Variants in TRIM37 observed in about 807,000 individuals in gnomAD.
TRIM37 encodes the protein E3 ubiquitin-protein ligase TRIM37.
In TRIM37, 80 loss-of-function variants were observed where a neutral mutation model predicts 129.8. The observed-to-expected ratio is 0.62, with a 90% CI of 0.51 to 0.74. The LOEUF is 0.74. Ranked by LOEUF, TRIM37 falls within the 30% of genes least tolerant of loss-of-function variation. TRIM37 has a pLI of 0.00. For synonymous variants in TRIM37, 389 were observed against 387.1 expected, an observed-to-expected ratio of 1.00 and a Z score of -0.06; for missense variants, 1,054 against 1,176.5, an observed-to-expected ratio of 0.90 and a Z score of 1.52.
chr17:59,093,892 T>G (rs917620548), intron 2 of TRIM37, among the ~76,000 whole-genome samples: 1 of 152,146 alleles, frequency 6.6e-6, no homozygotes, highest in African/African-American at 2.4e-5. Context: ...TTCCACAATC[T>G]AATTTATTTA....
chr17:59,035,809 T>C (rs1467697818), intron 17 of TRIM37, among the ~76,000 whole-genome samples: 4 of 151,906 alleles, frequency 2.6e-5, no homozygotes, highest in African/African-American at 9.7e-5. Flanking sequence ...GAAGTTCACA[T>C]AGAAAAAAAA....
chr17:59,064,701 G>A (rs1358289117), intron 9 of TRIM37, among the ~76,000 whole-genome samples: 1 of 152,186 alleles, frequency 6.6e-6, no homozygotes, highest in Non-Finnish European at 1.5e-5. Flanking sequence ...CTGAGGTCGG[G>A]AGCTCAAGAC....
intron 22 of TRIM37, among the ~76,000 whole-genome samples, chr17:59,005,720 G>A (rs1457222508): frequency 6.6e-6 from 1 of 152,140 alleles, no homozygotes; most frequent in Non-Finnish European, 1.5e-5. Flanking sequence ...ACTCAGCAAG[G>A]TTTACAGTAC....
intron 13 of TRIM37, among the ~76,000 whole-genome samples, chr17:59,051,880 G>A (rs949441643): frequency 2.6e-5 from 4 of 151,950 alleles, no homozygotes; most frequent in Non-Finnish European, 4.4e-5. Flanking sequence ...ACAGGCGCCC[G>A]CCACTACGCC....
intron 17 of TRIM37, among the ~76,000 whole-genome samples, chr17:59,039,773 C>T (rs1257770945): frequency 6.6e-6 from 1 of 152,162 alleles, no homozygotes; most frequent in Non-Finnish European, 1.5e-5. Context: ...AGGAAACAAA[C>T]AGGAATCCAG....
chr17:59,082,631 T>G (rs536892644), intron 5 of TRIM37, among the ~76,000 whole-genome samples: 5 of 152,280 alleles, frequency 3.3e-5, no homozygotes, highest in Admixed American at 2.6e-4. Context: ...ACAAATCCAG[T>G]TGCATTCAGC....
chr17:58,982,795 T>C lies in TRIM37; in HGVS notation c.*123A>G, dbSNP rs1361373796. The C allele has an allele frequency of 5.5e-6, 5 of 913,768 alleles. No homozygotes were observed. In the African/African-American group the frequency reaches 6.8e-5, roughly 12 times the overall value. The allele number at this position is 913,768 out of a possible 1,614,324, so 56.6% of individuals were successfully genotyped here. A position where few individuals can be genotyped will look rare whatever the true frequency, so the allele number is the denominator to read the frequency against. On this transcript the variant is annotated 3_prime_UTR_variant, in exon 25 of 25. Coordinates refer to the TRIM37 transcript ENST00000393066. ...AAAGGAGTCAACATGGCCCCAACTA[T>C]AGTGCCGGAACCTTTTCATCATTCT...
intron 14 of TRIM37, among the ~76,000 whole-genome samples, 175 bp from the exon 15 acceptor site, chr17:59,049,568 C>A (rs993985706): frequency 1.3e-5 from 2 of 152,240 alleles, no homozygotes; most frequent in South Asian, 4.1e-4. Flanking sequence ...TCATAGCTCA[C>A]TGCAAGCCTT....
intron 2 of TRIM37, among the ~76,000 whole-genome samples, chr17:59,101,719 CACAT>C (rs779845911): frequency 0.011 from 1,591 of 138,570 alleles, 12 homozygotes; most frequent in Non-Finnish European, 0.017. Flanking sequence ...CACACACACA[CACAT>C]ATATACATAT....
chr17:58,980,616 C>T, downstream of TRIM37: 1 of 1,614,126 alleles, frequency 6.2e-7, no homozygotes, highest in Non-Finnish European at 8.5e-7. The surrounding 1 kb of genome is among the most constrained non-coding windows in gnomAD (Gnocchi z 4.7). Flanking sequence ...TCATCATTGC[C>T]TGAATGGAGT....
At chr17:59,023,530 C>T (rs2036863577) in intron 19 of TRIM37, among the ~76,000 whole-genome samples, 2 of 152,012 alleles carry the variant, frequency 1.3e-5, no homozygotes, top group Non-Finnish European at 2.9e-5. Context: ...TGGCAGGCAC[C>T]TGTAGTCCCA....
intron 2 of TRIM37, among the ~76,000 whole-genome samples, chr17:59,100,598 T>C (rs2045365455): frequency 6.6e-6 from 1 of 152,054 alleles, no homozygotes; most frequent in East Asian, 1.9e-4. Context: ...AGAAAGCAGA[T>C]CAATGGTTGC....
intron 8 of TRIM37, among the ~76,000 whole-genome samples, chr17:59,073,814 C>G (rs2042586247): frequency 6.6e-6 from 1 of 152,164 alleles, no homozygotes; most frequent in South Asian, 2.1e-4. Context: ...TGGTCAGGAT[C>G]ATCAATATCA....
Position 59,046,892 on chromosome 17 carries a change from C to T in TRIM37, c.1667+791G>A, listed in dbSNP as rs562127664. Among the ~76,000 whole-genome samples, 9 of 150,782 alleles carry T rather than the reference C, an allele frequency of 6.0e-5. No homozygotes were observed. In the East Asian group the frequency reaches 1.4e-3, roughly 24 times the overall value. Reference sequence around the variant, plus strand: ...CAGATTGGCCAGGTGCGGTGGCTCACGCCTGTAATCCCAACACTTTGGGAG... The same window carrying T: ...CAGATTGGCCAGGTGCGGTGGCTCATGCCTGTAATCCCAACACTTTGGGAG... On this transcript the variant is annotated intron_variant, in intron 16 of 23. Coordinates refer to ENST00000262294, the MANE Select transcript of TRIM37 (RefSeq NM_015294.6).
intron 22 of TRIM37, among the ~76,000 whole-genome samples, chr17:59,007,417 A>G (rs547174735): frequency 1.3e-5 from 2 of 152,206 alleles, no homozygotes; most frequent in Non-Finnish European, 2.9e-5. Flanking sequence ...ATTACCCTAA[A>G]TGATCAGCAA....
chr17:59,081,964 A>AAATAATAATAATAATAAT (rs1371563147), intron 5 of TRIM37, among the ~76,000 whole-genome samples: 1 of 87,226 alleles, frequency 1.1e-5, no homozygotes, highest in African/African-American at 5.1e-5. Context: ...AAAAAAAAAA[A>AAATAATAATAATAATAAT]AATAATAATA....
chr17:59,091,585 A>C (rs1288749328), intron 2 of TRIM37, among the ~76,000 whole-genome samples: 2 of 116,580 alleles, frequency 1.7e-5, no homozygotes, highest in Non-Finnish European at 3.3e-5. Context: ...ATAATGTATA[A>C]TATATTATAC....
chr17:59,051,477 A>G, intron 13 of TRIM37, 149 bp from the exon 14 acceptor site: 1 of 676,358 alleles, frequency 1.5e-6, no homozygotes, highest in Non-Finnish European at 2.7e-6. Flanking sequence ...TTATAGATGT[A>G]GTCCACAGAT....
Position 59,017,529 on chromosome 17 carries a change from C to G in TRIM37, c.2258-105G>C, listed in dbSNP as rs192693675. 1.9e-4 allele frequency: 277 copies of G among 1,469,406 alleles called. 3 individuals carry two copies. The Admixed American group carries it at 4.7e-3, about 25-fold the overall frequency. 91.0% of individuals were successfully genotyped at this position (1,469,406 alleles called of 1,614,324 possible). A position where few individuals can be genotyped will look rare whatever the true frequency, so the allele number is the denominator to read the frequency against. Reference sequence around the variant, plus strand: ...AATCTTACCTTGCATGGAAGCTGTTCTCTCTACTGTCTAAAAATAAACAAC... The same window carrying G: ...AATCTTACCTTGCATGGAAGCTGTTGTCTCTACTGTCTAAAAATAAACAAC... On this transcript the variant is annotated intron_variant, in intron 19 of 23. Transcript: ENST00000262294.
Sources: allele counts gnomAD v4.1 joint callset (sites outside exome capture counted in the v4.1 genomes callset), GRCh38; gene constraint gnomAD v4.1.1; non-coding constraint Gnocchi (gnomAD v3.1); transcripts MANE v1.5; gene names NCBI Gene and HGNC (gene_info 2026-07-23, HGNC 2026-07-21).